ZFAND1: variants seen among roughly 807,000 people sequenced by gnomAD.
ZFAND1 encodes the protein zinc finger AN1-type containing 1.
In ZFAND1, 40 loss-of-function variants were observed where a neutral mutation model predicts 38.5. The observed-to-expected ratio is 1.04, with a 90% CI of 0.81 to 1.35. ZFAND1 has a LOEUF of 1.35. ZFAND1 is among the 40% of genes most tolerant of loss of function. ZFAND1 has a pLI of 0.00. For missense variants in ZFAND1, 346 were observed against 316.3 expected (o/e 1.09, Z -0.71); for synonymous variants, 117 against 103.6 (o/e 1.13, Z -0.78).
chr8:81,703,580 G>A (rs2130382806), intron 6 of ZFAND1, among the ~76,000 whole-genome samples: 1 of 152,224 alleles, frequency 6.6e-6, no homozygotes, highest in African/African-American at 2.4e-5. Flanking sequence ...GTGCCACCAG[G>A]CCCAGCTAAT....
rs1338430792 is a variant in ZFAND1, at chr8:81,721,291, G to C, written c.-10C>G. The stretch of plus-strand genomic sequence containing the variant: ...TGTCCAACTCCGCCATCTCTCCGGC[G>C]CCGTAAGGGGCGGGGCAAAGCCTGA... On this transcript the variant is annotated 5_prime_UTR_variant, in exon 1 of 8. Coordinates refer to ENST00000220669, the MANE Select transcript of ZFAND1 (RefSeq NM_024699.3). 1.3e-6 allele frequency: 2 copies of C among 1,547,698 alleles called. No homozygotes were observed. Among genetic ancestry groups the C allele is most frequent in the African/African-American group, 1.4e-5 (1 of 73,032 alleles).
chr8:81,705,599 A>G (rs1002419833), intron 6 of ZFAND1, among the ~76,000 whole-genome samples: 2 of 152,230 alleles, frequency 1.3e-5, no homozygotes, highest in Admixed American at 6.5e-5. Flanking sequence ...GAAGTCATCC[A>G]CAATACCGCA....
chr8:81,706,265 T>G (rs1807975557), intron 6 of ZFAND1, among the ~76,000 whole-genome samples: 1 of 150,412 alleles, frequency 6.6e-6, no homozygotes, highest in African/African-American at 2.4e-5. Context: ...AATAAGGACA[T>G]GTTCAAAAAA....
At chr8:81,721,023 C>T (rs1433910335) in intron 1 of ZFAND1, 16 of 586,812 alleles carry the variant, frequency 2.7e-5, no homozygotes, top group Non-Finnish European at 4.9e-5. Context: ...TCCAAGGAGA[C>T]CACACGTCAT....
chr8:81,710,057 A>G (rs1042441243), intron 6 of ZFAND1, among the ~76,000 whole-genome samples: 4 of 152,244 alleles, frequency 2.6e-5, no homozygotes, highest in African/African-American at 9.6e-5. Flanking sequence ...TTTTAGGCCA[A>G]GAAAAAATTC....
chr8:81,708,623 G>A lies in ZFAND1; in HGVS notation c.480+5295C>T, dbSNP rs564938047. 7.9e-5 allele frequency among the ~76,000 whole-genome samples: 12 copies of A among 152,196 alleles called. No homozygotes were observed. The South Asian group carries it at 2.5e-3, about 32-fold the overall frequency. On this transcript the variant is annotated intron_variant, in intron 6 of 7. Coordinates refer to ENST00000220669, the MANE Select transcript of ZFAND1 (RefSeq NM_024699.3). Reference sequence around the variant, plus strand: ...GTTGTCCAAACTGAATAGTAGTCAGGAAAATACAAATTAAAGCAATTATGA... The same window carrying A: ...GTTGTCCAAACTGAATAGTAGTCAGAAAAATACAAATTAAAGCAATTATGA...
Position 81,702,448 on chromosome 8 carries a change from C to T in ZFAND1, c.*247G>A. The T allele has an allele frequency of 8.6e-6, 2 of 231,806 alleles. No homozygotes were observed. Among genetic ancestry groups the T allele is most frequent in the Non-Finnish European group, 1.6e-5 (2 of 121,646 alleles). The allele number at this position is 231,806 out of a possible 1,614,324, so 14.4% of individuals were successfully genotyped here. ...CCAGGAAATACATCTTTGTTGTTGT[C>T]ACTACAGCATAAACTAATGAAAGCT... On this transcript the variant is annotated 3_prime_UTR_variant, in exon 8 of 8. Coordinates refer to ENST00000220669, the MANE Select transcript of ZFAND1 (RefSeq NM_024699.3).
intron 3 of ZFAND1, among the ~76,000 whole-genome samples, chr8:81,716,305 T>C (rs1808309793): frequency 6.6e-6 from 1 of 152,220 alleles, no homozygotes; most frequent in Admixed American, 6.5e-5. Flanking sequence ...CCTAACCTGG[T>C]CCAGTACTGC....
At chr8:81,719,823 C>T (rs1449839149) in intron 1 of ZFAND1, among the ~76,000 whole-genome samples, 3 of 152,172 alleles carry the variant, frequency 2.0e-5, no homozygotes, top group African/African-American at 7.2e-5. Context: ...TGAACTATGT[C>T]ATGAATGGCA....
chr8:81,710,926 T>C (rs1179674656), intron 6 of ZFAND1, among the ~76,000 whole-genome samples: 1 of 152,112 alleles, frequency 6.6e-6, no homozygotes, highest in Non-Finnish European at 1.5e-5. Flanking sequence ...TACACACATA[T>C]ACATATGGTA....
Position 81,714,009 on chromosome 8 carries a change from C to T in ZFAND1, c.389G>A (p.Arg130Gln), listed in dbSNP as rs755966325. Residue 130 changes from arginine to glutamine, a missense_variant, in exon 6 of 8, where the codon CGA (arginine) becomes CAA (glutamine). Arg to Gln is a conservative substitution (Grantham distance 43, BLOSUM62 1). Transcript: ENST00000220669. ...TTCACTATTTTTGGCACCTTTCCAT[C>T]GTTTACTTGCTGTTTCTCCTGTCTT... is the stretch of plus-strand genomic sequence containing the variant. ...DSKTGETASK[R>Q]WKGAKNSETA... The T allele has an allele frequency of 5.6e-6, 9 of 1,611,148 alleles. No individual in the cohort carries two copies. Among genetic ancestry groups the T allele is most frequent in the East Asian group, 4.5e-5 (2 of 44,736 alleles).
At position 81,721,265 on chromosome 8, in the gene ZFAND1, A is replaced by G. The variant is rs761903576; in HGVS notation, c.17T>C (p.Ile6Thr). Residue 6 changes from isoleucine to threonine, a missense_variant, in exon 1 of 8, where the codon ATC becomes ACC. By Grantham distance (89) the Ile-to-Thr change is moderately conservative. Transcript: ENST00000220669. MAELD[I>T]GQHCQVEHCR... is the part of the protein sequence containing the mutation. The stretch of plus-strand genomic sequence containing the variant: ...ATGCTCCACCTGGCAGTGCTGCCCG[A>G]TGTCCAACTCCGCCATCTCTCCGGC... The G allele has an allele frequency of 1.9e-6, 3 of 1,549,222 alleles. No homozygotes were observed. The South Asian group carries it at 3.6e-5, about 18-fold the overall frequency.
At chr8:81,717,558 T>C (rs1808353661) in intron 2 of ZFAND1, among the ~76,000 whole-genome samples, 1 of 152,138 alleles carries the variant, frequency 6.6e-6, no homozygotes, top group African/African-American at 2.4e-5. Flanking sequence ...TAAACATATC[T>C]TTCAGCTCTT....
chr8:81,707,158 C>A (rs1371034652), intron 6 of ZFAND1, among the ~76,000 whole-genome samples: 2 of 152,144 alleles, frequency 1.3e-5, no homozygotes, highest in Non-Finnish European at 2.9e-5. Flanking sequence ...CTGTACTTCA[C>A]CTAACTTCAT....
rs1263937786 is a variant in ZFAND1, at chr8:81,715,044, GCA to G, written c.207_208del (p.Ala70Ter). 5.0e-6 allele frequency: 8 copies of G among 1,613,978 alleles called. No homozygotes were observed. The highest frequency in any genetic ancestry group is 4.5e-5 in the East Asian group (2 of 44,874). On this transcript the variant is annotated frameshift_variant, in exon 4 of 8. Coordinates refer to ENST00000220669, the MANE Select transcript of ZFAND1 (RefSeq NM_024699.3). LOFTEE classifies it high-confidence loss of function. Reference sequence around the variant, plus strand: ...TATAACTGCCACAAGTTCTCTCTCAGCACAGTCTTTGAAAGAGCATGGGTAAG... The same window carrying G: ...TATAACTGCCACAAGTTCTCTCTCAGCAGTCTTTGAAAGAGCATGGGTAAG...
chr8:81,721,079 T>A (rs1478174771), intron 1 of ZFAND1, 148 bp downstream of exon 1: 1 of 652,682 alleles, frequency 1.5e-6, no homozygotes, highest in African/African-American at 1.8e-5. Flanking sequence ...CCGATCTCAC[T>A]GCAGCCCCAG....
chr8:81,702,665 C>A lies in ZFAND1; in HGVS notation c.*30G>T. On this transcript the variant is annotated 3_prime_UTR_variant, in exon 8 of 8. Coordinates refer to ENST00000220669, the MANE Select transcript of ZFAND1 (RefSeq NM_024699.3). ...ACTTAAACATGTAATAGAATTTTCC[C>A]TGTGATTTCTGACTTGAATCTTTGA... 7.2e-7 allele frequency: 1 copy of A among 1,389,474 alleles called. No homozygotes were observed. Among genetic ancestry groups the A allele is most frequent in the South Asian group, 2.0e-5 (1 of 50,114 alleles). 86.1% of individuals were successfully genotyped at this position (1,389,474 alleles called of 1,614,324 possible).
intron 6 of ZFAND1, 95 bp from the exon 7 acceptor site, chr8:81,703,219 G>C (rs1807866700): frequency 1.2e-6 from 1 of 842,188 alleles, no homozygotes; most frequent in African/African-American, 1.7e-5. Context: ...GGTCAGAGCA[G>C]AATTACCTTC....
At chr8:81,709,708 T>C (rs1338239296) in intron 6 of ZFAND1, among the ~76,000 whole-genome samples, 1 of 152,098 alleles carries the variant, frequency 6.6e-6, no homozygotes, top group Non-Finnish European at 1.5e-5. Context: ...CAAACATTAA[T>C]AATAAAGGGA....
Sources: gnomAD v4.1 joint callset for allele counts (sites outside exome capture counted in the v4.1 genomes callset) on GRCh38, gnomAD v4.1.1 for gene constraint, MANE v1.5 for transcripts, NCBI Gene and HGNC (gene_info 2026-07-23, HGNC 2026-07-21) for gene names.